The following BCR variants were observed in gnomAD, a reference collection of about 807,000 sequenced individuals.
BCR encodes BCR activator of RhoGEF and GTPase, also known as breakpoint cluster region protein.
A neutral mutation model predicts 138.6 loss-of-function variants in BCR; 58 were observed. The ratio of observed to expected loss-of-function variants is 0.42; its 90% CI spans 0.34 to 0.52. The LOEUF (loss-of-function observed/expected upper bound fraction) is 0.52. Ranked by LOEUF, BCR falls within the 20% of genes least tolerant of loss-of-function variation. The pLI is 0.06. For missense variants in BCR, 1,599 were observed against 1,727.2 expected, an observed-to-expected ratio of 0.93 and a Z score of 1.32; for synonymous variants, 786 against 730.1, an observed-to-expected ratio of 1.08 and a Z score of -1.23.
intron 5 of BCR, 28 bp from the exon 6 acceptor site, chr22:23,271,504 G>A: frequency 1.2e-6 from 2 of 1,612,572 alleles, no homozygotes; most frequent in Non-Finnish European, 1.7e-6. Context: ...TCTGTCATCT[G>A]TGTGAACATG....
chr22:23,212,261 C>T (rs1190676876), intron 1 of BCR, among the ~76,000 whole-genome samples: 4 of 152,252 alleles, frequency 2.6e-5, no homozygotes, highest in East Asian at 1.9e-4. Context: ...GGATTGGCTG[C>T]GATTGGGATT....
chr22:23,290,988 G>A (rs547572446), intron 14 of BCR: 43 of 157,188 alleles, frequency 2.7e-4, no homozygotes, highest in Admixed American at 8.0e-4. Flanking sequence ...CAGGTGGATC[G>A]CTTGAGCTCA....
rs755036378 is a variant in BCR at position 23,261,318 on chromosome 22, C to G, written c.1567-37C>G. On this transcript the variant is annotated intron_variant, in intron 3 of 22. Coordinates refer to ENST00000305877, the MANE Select transcript of BCR (RefSeq NM_004327.4). ...CAATGCACCTGACGGATGGCAGCCC[C>G]TCTCACCTGTGCTACCTCACTTGTG... 4 of 1,592,110 alleles carry G rather than the reference C, an allele frequency of 2.5e-6. No homozygotes were observed. In the African/African-American group the frequency reaches 5.4e-5, roughly 21 times the overall value.
At chr22:23,311,888 C>T (rs549173848) in intron 19 of BCR, 52 bp downstream of exon 19, 55 of 1,600,260 alleles carry the variant, frequency 3.4e-5, no homozygotes, top group Non-Finnish European at 4.4e-5. Flanking sequence ...ATGGTGTCCG[C>T]GATGAGATCT....
chr22:23,262,443 A>G (rs1334733878), intron 4 of BCR, among the ~76,000 whole-genome samples: 1 of 152,240 alleles, frequency 6.6e-6, no homozygotes, highest in East Asian at 1.9e-4. Context: ...TGAGGAACAC[A>G]GAAGGCACTT....
chr22:23,280,366 G>A (rs1003134559), intron 8 of BCR, among the ~76,000 whole-genome samples: 68 of 152,234 alleles, frequency 4.5e-4, no homozygotes, highest in Admixed American at 3.3e-4. Context: ...GGCACATAAT[G>A]TGACCTCACA....
chr22:23,227,323 A>G (rs986961327), intron 1 of BCR, among the ~76,000 whole-genome samples: 2 of 152,184 alleles, frequency 1.3e-5, no homozygotes, highest in African/African-American at 2.4e-5. Flanking sequence ...AGTATTCCCC[A>G]GTTACCAGTG....
At chr22:23,263,208 G>C in intron 4 of BCR, 1 of 932,700 alleles carries the variant, frequency 1.1e-6, no homozygotes, top group Non-Finnish European at 1.6e-6. Context: ...TGCGGGGCCA[G>C]CGCTCTGGCG....
At chr22:23,206,510 G>T (rs2072615637) in intron 1 of BCR, among the ~76,000 whole-genome samples, 1 of 151,614 alleles carries the variant, frequency 6.6e-6, no homozygotes, top group East Asian at 1.9e-4. Flanking sequence ...CCAGGAGGCG[G>T]AGCTTGCAGT....
intron 2 of BCR, among the ~76,000 whole-genome samples, chr22:23,257,953 G>A (rs1262333019): frequency 1.3e-5 from 2 of 152,204 alleles, no homozygotes; most frequent in African/African-American, 2.4e-5. Context: ...GCACCTGGGT[G>A]TTCTGGGCAC....
At chr22:23,195,687 GACCA>G (rs2072471235) in intron 1 of BCR, among the ~76,000 whole-genome samples, 1 of 152,058 alleles carries the variant, frequency 6.6e-6, no homozygotes, top group African/African-American at 2.4e-5. Flanking sequence ...AGGAGTTCAA[GACCA>G]GCCTGGCCAA....
chr22:23,224,842 A>G (rs1365593149), intron 1 of BCR, among the ~76,000 whole-genome samples: 1 of 152,204 alleles, frequency 6.6e-6, no homozygotes, highest in African/African-American at 2.4e-5. Context: ...AGATCACGCC[A>G]CTGCACTCCA....
intron 1 of BCR, among the ~76,000 whole-genome samples, chr22:23,253,391 C>A (rs887386529): frequency 6.6e-6 from 1 of 152,172 alleles, no homozygotes; most frequent in Non-Finnish European, 1.5e-5. Context: ...CGGCAACCAG[C>A]CCCCTTCCTG....
At chr22:23,241,562 C>CCTTCCCACCCT (rs1773641610) in intron 1 of BCR, among the ~76,000 whole-genome samples, 1 of 152,190 alleles carries the variant, frequency 6.6e-6, no homozygotes, top group Non-Finnish European at 1.5e-5. Context: ...CTGTCTTGCC[C>CCTTCCCACCCT]CTTCCCACCC....
At chr22:23,203,393 G>A (rs1255657064) in intron 1 of BCR, among the ~76,000 whole-genome samples, 1 of 152,176 alleles carries the variant, frequency 6.6e-6, no homozygotes, top group Non-Finnish European at 1.5e-5. Context: ...AGTTCCATCA[G>A]GTGCTAAAAC....
At chr22:23,272,753 G>A (rs984615895) in intron 6 of BCR, among the ~76,000 whole-genome samples, 1 of 152,054 alleles carries the variant, frequency 6.6e-6, no homozygotes, top group African/African-American at 2.4e-5. Context: ...CAGAATTGGG[G>A]CCCACCCCAG....
intron 1 of BCR, chr22:23,198,295 G>A (rs1320947662): frequency 2.2e-6 from 1 of 445,476 alleles, no homozygotes; most frequent in South Asian, 1.6e-5. Flanking sequence ...TCTGTTCCGG[G>A]GCAGGGCCAC....
At chr22:23,211,798 C>G (rs1048172592) in intron 1 of BCR, among the ~76,000 whole-genome samples, 1 of 152,182 alleles carries the variant, frequency 6.6e-6, no homozygotes, top group African/African-American at 2.4e-5. Context: ...TAGAGCTTCT[C>G]AATAGAAGTC....
chr22:23,287,491 G>A (rs1392551427), intron 11 of BCR, among the ~76,000 whole-genome samples: 3 of 152,234 alleles, frequency 2.0e-5, no homozygotes, highest in Admixed American at 2.0e-4. Flanking sequence ...AGCTGGGAGT[G>A]GACAGGGTCT....
Sources: allele counts gnomAD v4.1 joint callset (sites outside exome capture counted in the v4.1 genomes callset), GRCh38; gene constraint gnomAD v4.1.1; transcripts MANE v1.5; gene names NCBI Gene and HGNC (gene_info 2026-07-23, HGNC 2026-07-21).